Variants in ZDHHC11B observed in about 807,000 individuals in gnomAD.
ZDHHC11B encodes probable palmitoyltransferase ZDHHC11B.
In ZDHHC11B, 17 loss-of-function variants were observed where a neutral mutation model predicts 42.3. That is an observed-to-expected ratio of 0.40 (90% CI 0.27 to 0.60). ZDHHC11B has a LOEUF of 0.60. ZDHHC11B is among the 20% of genes least tolerant of loss of function. The pLI, the probability that ZDHHC11B is intolerant of heterozygous loss-of-function variation, is 0.41. For missense variants in ZDHHC11B, 262 were observed against 463.2 expected (o/e 0.57, Z 3.99); for synonymous variants, 123 against 193.5 (o/e 0.64, Z 3.02).
At chr5:779,507 C>T (rs1736807619) in intron 1 of ZDHHC11B, among the ~76,000 whole-genome samples, 1 of 149,718 alleles carries the variant, frequency 6.7e-6, no homozygotes, top group Admixed American at 6.7e-5. Context: ...CTGCCAACAG[C>T]ACCTGCCTTC....
rs1441806953 is a variant in ZDHHC11B at position 746,123 on chromosome 5, G to T, written c.785-825C>A. Among the ~76,000 whole-genome samples the T allele has an allele frequency of 2.7e-5, 4 of 148,588 alleles. 1 individual carries two copies. Among genetic ancestry groups the T allele is most frequent in the Non-Finnish European group, 5.9e-5 (4 of 67,246 alleles). The stretch of plus-strand genomic sequence containing the variant: ...GTCTTAACAAACGTTAATAAAATGG[G>T]CTCTGCACCTATTTCAGCCACGAGC... On this transcript the variant is annotated intron_variant, in intron 8 of 13. Transcript: ENST00000508859.
At position 717,322 on chromosome 5, in the gene ZDHHC11B, C is replaced by T. The variant is rs189084983; in HGVS notation, c.1059-457G>A. ...TTGAGTACAGGTGTTTTGTTCTCTG[C>T]CCTGATGTTACACTAGCCCAGCCAG... On this transcript the variant is annotated intron_variant, in intron 12 of 13. Transcript: ENST00000508859. Among the ~76,000 whole-genome samples the T allele has an allele frequency of 2.8e-3, 428 of 151,664 alleles. 2 individuals are homozygous for T. The highest frequency in any genetic ancestry group is 9.8e-3 in the African/African-American group (402 of 41,148).
In ZDHHC11B at chr5:766,376, G is replaced by T. The variant is rs143324405; in HGVS notation, c.222+322C>A. On this transcript the variant is annotated intron_variant, in intron 4 of 13. Coordinates refer to ENST00000508859, the MANE Select transcript of ZDHHC11B (RefSeq NM_001351303.2). Reference sequence around the variant, plus strand: ...AGATGGGAGCAGACGGCCTGACATGGGGTCAGCGGCTGCCCTGTCCAACCT... The same window carrying T: ...AGATGGGAGCAGACGGCCTGACATGTGGTCAGCGGCTGCCCTGTCCAACCT... Among the ~76,000 whole-genome samples, 136 of 151,960 alleles carry T rather than the reference G, an allele frequency of 8.9e-4. 2 individuals carry two copies. The highest frequency in any genetic ancestry group is 3.1e-3 in the African/African-American group (130 of 41,408).
chr5:766,627 C>T, intron 4 of ZDHHC11B, 71 bp downstream of exon 4: 1 of 1,471,250 alleles, frequency 6.8e-7, no homozygotes, highest in Non-Finnish European at 9.3e-7. Context: ...GCCCAGACCC[C>T]ACAGCCAGGT....
chr5:717,196 CAGG>C (rs1741816544), intron 12 of ZDHHC11B, among the ~76,000 whole-genome samples: 1 of 151,504 alleles, frequency 6.6e-6, no homozygotes, highest in Non-Finnish European at 1.5e-5. Context: ...GTGGGGCCCA[CAGG>C]AGGTCAGCTC....
intron 9 of ZDHHC11B, among the ~76,000 whole-genome samples, chr5:742,902 T>C (rs1399074735): frequency 3.4e-5 from 5 of 149,224 alleles, no homozygotes; most frequent in East Asian, 2.1e-4. Flanking sequence ...AAGACAAGCT[T>C]TGTCTCACTA....
chr5:770,522 T>G (rs1308522214), intron 1 of ZDHHC11B, among the ~76,000 whole-genome samples: 1 of 151,448 alleles, frequency 6.6e-6, no homozygotes, highest in Non-Finnish European at 1.5e-5. Flanking sequence ...GTCCCTCCTG[T>G]GGACGCCCGC....
intron 8 of ZDHHC11B, chr5:747,411 T>C (rs1410628038): frequency 6.8e-6 from 1 of 147,778 alleles, no homozygotes; most frequent in Non-Finnish European, 1.5e-5. Flanking sequence ...TTAAAAAAAA[T>C]TCAACCCTCA....
intron 10 of ZDHHC11B, among the ~76,000 whole-genome samples, chr5:739,773 C>T (rs567860120): frequency 1.0e-4 from 15 of 144,218 alleles, no homozygotes; most frequent in African/African-American, 3.7e-4. Flanking sequence ...TGGCTATCTA[C>T]CCAGAAGAAA....
chr5:715,672 C>CT (rs1741695237), intron 13 of ZDHHC11B, among the ~76,000 whole-genome samples: 8 of 151,702 alleles, frequency 5.3e-5, no homozygotes, highest in Admixed American at 5.3e-4. Context: ...ATCTCAAACG[C>CT]CTTTTTTCTA....
chr5:744,212 C>T (rs1252283060), intron 9 of ZDHHC11B, among the ~76,000 whole-genome samples: 1 of 149,854 alleles, frequency 6.7e-6, no homozygotes, highest in African/African-American at 2.5e-5. Flanking sequence ...CCCCATGCTG[C>T]TCGATTTGGT....
At position 744,650 on chromosome 5, in the gene ZDHHC11B, G is replaced by A. The variant is rs182518080; in HGVS notation, c.900+533C>T. 1.6e-3 allele frequency among the ~76,000 whole-genome samples: 245 copies of A among 148,510 alleles called. 1 individual carries two copies. Among genetic ancestry groups the A allele is most frequent in the African/African-American group, 5.6e-3 (225 of 40,224 alleles). On this transcript the variant is annotated intron_variant, in intron 9 of 13. Transcript: ENST00000508859. ...AGCACTTTCGGAGGCCAAGGCGGGC[G>A]GATCACCTGAGGCCAGAAGTTTGAG...
At chr5:743,023 G>A (rs1378019895) in intron 9 of ZDHHC11B, among the ~76,000 whole-genome samples, 1 of 149,856 alleles carries the variant, frequency 6.7e-6, no homozygotes, top group Non-Finnish European at 1.5e-5. Context: ...GGAATGAAGT[G>A]ATCCTGGGTA....
intron 9 of ZDHHC11B, 35 bp downstream of exon 9, chr5:745,148 G>A (rs1334798320): frequency 8.8e-7 from 1 of 1,133,372 alleles, no homozygotes; most frequent in Non-Finnish European, 1.3e-6. Flanking sequence ...CATTGTCCCA[G>A]GCCTGGAGAA....
intron 13 of ZDHHC11B, among the ~76,000 whole-genome samples, chr5:716,574 C>T (rs1158801191): frequency 2.6e-5 from 4 of 151,732 alleles, no homozygotes; most frequent in Non-Finnish European, 4.4e-5. Flanking sequence ...TGTTTACTGC[C>T]TAGAAAATAA....
chr5:784,073 C>T (rs1477355587), intron 1 of ZDHHC11B, among the ~76,000 whole-genome samples: 1 of 151,498 alleles, frequency 6.6e-6, no homozygotes, highest in East Asian at 1.9e-4. Flanking sequence ...CGGACAGTAG[C>T]CAAGGCCCGG....
intron 1 of ZDHHC11B, among the ~76,000 whole-genome samples, chr5:770,568 TC>T (rs199997718): frequency 0.045 from 6,728 of 149,742 alleles, 297 homozygotes; most frequent in East Asian, 0.24. Flanking sequence ...GATCACGCAC[TC>T]CCCAGGGTCT....
At chr5:783,582 G>A (rs1737016062) in intron 1 of ZDHHC11B, among the ~76,000 whole-genome samples, 1 of 152,202 alleles carries the variant, frequency 6.6e-6, no homozygotes, top group Admixed American at 6.5e-5. Context: ...TGGATCAGCG[G>A]TGACACTGAG....
chr5:744,133 T>G lies in ZDHHC11B; in HGVS notation c.900+1050A>C, dbSNP rs1390874440. Among the ~76,000 whole-genome samples, 3 of 149,946 alleles carry G rather than the reference T, an allele frequency of 2.0e-5. 1 individual carries two copies. The highest frequency in any genetic ancestry group is 7.4e-5 in the African/African-American group (3 of 40,796). ...GGACTAAGGTGCTGAGCTGTAGTAA[T>G]TGATTCCTAGGCCTTAAGGCACTGC... On this transcript the variant is annotated intron_variant, in intron 9 of 13. Coordinates refer to ENST00000508859, the MANE Select transcript of ZDHHC11B (RefSeq NM_001351303.2).
Sources: gnomAD v4.1 joint callset for allele counts (sites outside exome capture counted in the v4.1 genomes callset) on GRCh38, gnomAD v4.1.1 for gene constraint, MANE v1.5 for transcripts, NCBI Gene and HGNC (gene_info 2026-07-23, HGNC 2026-07-21) for gene names.